IL36B: variants seen among roughly 807,000 people sequenced by gnomAD.
IL36B encodes interleukin 36 beta.
A neutral mutation model predicts 19.3 loss-of-function variants in IL36B; 23 were observed. That is an observed-to-expected ratio of 1.19 (90% confidence interval 0.86 to 1.69). The LOEUF (loss-of-function observed/expected upper bound fraction) is 1.69, where lower values mean the gene tolerates loss of function less well. Ranked by LOEUF, IL36B falls within the 40% of genes most tolerant of loss-of-function variation. The pLI, the probability that IL36B is intolerant of heterozygous loss-of-function variation, is 0.00. For synonymous variants in IL36B, 59 were observed against 59.7 expected (o/e 0.99, Z 0.05); for missense variants, 217 against 200.5 (o/e 1.08, Z -0.50).
At chr2:113,033,383 T>A (rs1399157741) in intron 1 of IL36B, among the ~76,000 whole-genome samples, 2 of 152,090 alleles carry the variant, frequency 1.3e-5, no homozygotes, top group Admixed American at 1.3e-4. Flanking sequence ...AGGCACCCAC[T>A]GCCACACTGG....
At chr2:113,036,491 T>G (rs544837963) in intron 1 of IL36B, among the ~76,000 whole-genome samples, 4 of 152,110 alleles carry the variant, frequency 2.6e-5, no homozygotes, top group Non-Finnish European at 5.9e-5. Flanking sequence ...AAATATCTGA[T>G]GAATGCAGCT....
chr2:113,031,607 C>T, intron 2 of IL36B, 90 bp downstream of exon 2: 2 of 1,146,774 alleles, frequency 1.7e-6, no homozygotes, highest in Non-Finnish European at 2.6e-6. Context: ...ACATTTATAG[C>T]TTAGCAAATG....
intron 1 of IL36B, among the ~76,000 whole-genome samples, chr2:113,045,744 T>G (rs1267003291): frequency 6.6e-6 from 1 of 152,248 alleles, no homozygotes; most frequent in Non-Finnish European, 1.5e-5. Context: ...TTCTGTATGC[T>G]AATTTCATGT....
intron 1 of IL36B, among the ~76,000 whole-genome samples, chr2:113,036,710 T>G (rs959119172): frequency 4.6e-5 from 7 of 152,228 alleles, no homozygotes; most frequent in African/African-American, 1.7e-4. Context: ...AGGCATAGAA[T>G]AAATAAGCAT....
intron 1 of IL36B, among the ~76,000 whole-genome samples, chr2:113,052,138 C>T (rs12466269): frequency 0.22 from 32,906 of 151,644 alleles, 3,964 homozygotes; most frequent in East Asian, 0.53. Context: ...TTAGTAGAGA[C>T]GGGGTTTCTT....
intron 1 of IL36B, among the ~76,000 whole-genome samples, chr2:113,039,202 A>G (rs1685204544): frequency 6.6e-6 from 1 of 152,178 alleles, no homozygotes; most frequent in Admixed American, 6.5e-5. Flanking sequence ...GTGAGGGATG[A>G]GACAGGCACA....
chr2:113,029,334 T>C (rs1160430285), intron 3 of IL36B, among the ~76,000 whole-genome samples: 1 of 152,222 alleles, frequency 6.6e-6, no homozygotes, highest in Non-Finnish European at 1.5e-5. Flanking sequence ...ATGCTTAAGA[T>C]GTGGCCCATG....
intron 1 of IL36B, among the ~76,000 whole-genome samples, chr2:113,049,978 G>A (rs1209661551): frequency 6.6e-6 from 1 of 151,948 alleles, no homozygotes; most frequent in Non-Finnish European, 1.5e-5. Flanking sequence ...AGAATGTGGA[G>A]AAACTGGAAC....
At chr2:113,031,623 G>C in intron 2 of IL36B, 74 bp downstream of exon 2, 1 of 1,220,346 alleles carries the variant, frequency 8.2e-7, no homozygotes, top group Non-Finnish European at 1.2e-6. Flanking sequence ...AAATGATAGG[G>C]GTCCTTCCAT....
chr2:113,026,232 G>C lies in IL36B; in HGVS notation c.262C>G (p.Leu88Val). The C allele has an allele frequency of 6.2e-7, 1 of 1,613,640 alleles. No individual in the cohort carries two copies. The change falls in exon 5 of 6, where the codon CTT becomes GTT. Residue 88 changes from leucine to valine, a missense_variant and splice_region_variant. Leu to Val is a conservative substitution (Grantham distance 32). Transcript: ENST00000259213. ...CCTATGTTATCTTGGGAGCCCTGAA[G>C]CTGGAAGAGAGAAATGTTCAATGTT... is the stretch of plus-strand genomic sequence containing the variant.
intron 1 of IL36B, among the ~76,000 whole-genome samples, chr2:113,042,836 G>A (rs544750716): frequency 9.2e-5 from 14 of 152,072 alleles, no homozygotes; most frequent in Admixed American, 2.0e-4. Flanking sequence ...CATAGGGTTG[G>A]TATATGTTAA....
chr2:113,032,711 G>A (rs1239516771), intron 1 of IL36B, among the ~76,000 whole-genome samples: 2 of 152,216 alleles, frequency 1.3e-5, no homozygotes, highest in Non-Finnish European at 2.9e-5. Context: ...CTAGTTGCAT[G>A]TAAGTGGTCT....
intron 5 of IL36B, among the ~76,000 whole-genome samples, chr2:113,025,878 G>A (rs984815066): frequency 6.6e-6 from 1 of 152,140 alleles, no homozygotes; most frequent in East Asian, 1.9e-4. Flanking sequence ...CTGAGACAAG[G>A]GTTTGCATGC....
intron 4 of IL36B, among the ~76,000 whole-genome samples, chr2:113,028,683 T>C (rs954500612): frequency 1.3e-5 from 2 of 152,228 alleles, no homozygotes; most frequent in Non-Finnish European, 2.9e-5. Flanking sequence ...GAGAAAATAC[T>C]GTTCTTTGGC....
At chr2:113,041,309 G>A (rs1206101090) in intron 1 of IL36B, among the ~76,000 whole-genome samples, 3 of 152,082 alleles carry the variant, frequency 2.0e-5, no homozygotes, top group South Asian at 2.1e-4. Flanking sequence ...CAATCAAATC[G>A]AATAGAAAGC....
At chr2:113,045,265 T>C (rs1483198726) in intron 1 of IL36B, among the ~76,000 whole-genome samples, 2 of 152,212 alleles carry the variant, frequency 1.3e-5, no homozygotes, top group Non-Finnish European at 2.9e-5. Flanking sequence ...TTGACAATGT[T>C]TTTTTCAGTA....
chr2:113,029,230 G>C, intron 3 of IL36B, 152 bp from the exon 4 acceptor site: 1 of 725,858 alleles, frequency 1.4e-6, no homozygotes. Context: ...TTTGTTTTTC[G>C]TCCTTAATAA....
chr2:113,022,981 G>C (rs1684889214), intron 5 of IL36B, among the ~76,000 whole-genome samples: 1 of 152,130 alleles, frequency 6.6e-6, no homozygotes, highest in Non-Finnish European at 1.5e-5. Flanking sequence ...AATTAGAGTT[G>C]GTGGGCATGG....
chr2:113,046,405 T>G (rs1469335401), intron 1 of IL36B, among the ~76,000 whole-genome samples: 1 of 152,152 alleles, frequency 6.6e-6, no homozygotes, highest in Non-Finnish European at 1.5e-5. Context: ...GAGACGGTGT[T>G]TCACCATGTT....
Sources: gnomAD v4.1 joint callset for allele counts (sites outside exome capture counted in the v4.1 genomes callset) on GRCh38, gnomAD v4.1.1 for gene constraint, MANE v1.5 for transcripts, NCBI Gene and HGNC (gene_info 2026-07-23, HGNC 2026-07-21) for gene names.